Variants in ABCD4 observed in about 807,000 individuals in gnomAD.
ABCD4 encodes the protein ATP binding cassette subfamily D member 4.
ABCD4 carries 53 observed loss-of-function variants against 86.3 expected under a neutral mutation model. That is an observed-to-expected ratio of 0.61 (90% CI 0.49 to 0.77). ABCD4 has a LOEUF of 0.77. ABCD4 is among the 30% of genes least tolerant of loss of function. ABCD4 has a pLI of 0.00. For missense variants in ABCD4, 757 were observed against 764.5 expected, an observed-to-expected ratio of 0.99 and a Z score of 0.12; for synonymous variants, 328 against 313.6, an observed-to-expected ratio of 1.05 and a Z score of -0.49.
At chr14:74,300,291 G>A (rs771159587) in intron 1 of ABCD4, 23 bp from the exon 2 acceptor site, 1 of 1,498,964 alleles carries the variant, frequency 6.7e-7, no homozygotes, top group Non-Finnish European at 9.3e-7. Context: ...TGGGGAGGCA[G>A]AGAAAAGCCC....
chr14:74,300,453 G>A (rs528043383), intron 1 of ABCD4, among the ~76,000 whole-genome samples, 185 bp from the exon 2 acceptor site: 3 of 152,054 alleles, frequency 2.0e-5, no homozygotes, highest in East Asian at 1.9e-4. Context: ...TTGGCCAAGC[G>A]TGGTGGCTCA....
intron 1 of ABCD4, among the ~76,000 whole-genome samples, chr14:74,300,761 A>G (rs1179051157): frequency 6.6e-6 from 1 of 152,224 alleles, no homozygotes; most frequent in East Asian, 1.9e-4. Context: ...ATTTAACTTC[A>G]TTAGAGTTAA....
chr14:74,290,273 G>C lies in ABCD4; in HGVS notation c.1327+18C>G. 1 of 1,614,092 alleles carries C rather than the reference G, an allele frequency of 6.2e-7. No homozygotes were observed. Among genetic ancestry groups the C allele is most frequent in the Admixed American group, 1.7e-5 (1 of 60,028 alleles). Reference sequence around the variant, plus strand: ...AGGGCCCAGGCTGGGTCAGAGGCAGGGAGGGCCTGGCTCTCACCCCGTGTA... The same window carrying C: ...AGGGCCCAGGCTGGGTCAGAGGCAGCGAGGGCCTGGCTCTCACCCCGTGTA... On this transcript the variant is annotated intron_variant, in intron 12 of 18. Coordinates refer to ENST00000356924, the MANE Select transcript of ABCD4 (RefSeq NM_005050.4).
rs1232505453 is a variant in ABCD4 at position 74,292,840 on chromosome 14, T to C, written c.844A>G (p.Ser282Gly). ...IGINTFDYLG[S>G]ILSYVVIAIP... ...GCGATGACAACGTAACTCAGGATGCTGCCCAGATAGTCAAAGGTGTTGATG... is the reference window on the plus strand; with the variant it reads ...GCGATGACAACGTAACTCAGGATGCCGCCCAGATAGTCAAAGGTGTTGATG... Residue 282 changes from serine to glycine, a missense_variant, in exon 9 of 19, where the codon AGC becomes GGC. Ser to Gly is a moderately conservative substitution (Grantham distance 56). Coordinates refer to ENST00000356924, the MANE Select transcript of ABCD4 (RefSeq NM_005050.4). 3.7e-6 allele frequency: 6 copies of C among 1,614,046 alleles called. No homozygotes were observed. The highest frequency in any genetic ancestry group is 5.1e-6 in the Non-Finnish European group (6 of 1,180,040).
At chr14:74,288,955 T>C in intron 14 of ABCD4, 190 bp from the exon 15 acceptor site, 2 of 908,604 alleles carry the variant, frequency 2.2e-6, no homozygotes, top group South Asian at 1.9e-5. Context: ...CTACTAAATA[T>C]ACAAAAATTA....
At chr14:74,286,555 G>A in intron 18 of ABCD4, 26 bp from the exon 19 acceptor site, 1 of 1,614,204 alleles carries the variant, frequency 6.2e-7, no homozygotes, top group Non-Finnish European at 8.5e-7. Flanking sequence ...ACCACATGGA[G>A]ATCAGGCTGC....
In ABCD4 at chr14:74,297,948, C is replaced by T. The variant is rs775655143; in HGVS notation, c.407G>A (p.Arg136Gln). ...GRAYYTLNVLRDDIDNPDQRI... is the reference protein window; with the variant it reads ...GRAYYTLNVLQDDIDNPDQRI... Reference sequence around the variant, plus strand: ...CGCCTACGGGTTATCGATGTCATCCCGCAGCACGTTGAGGGTGTAGTACGC... The same window carrying T: ...CGCCTACGGGTTATCGATGTCATCCTGCAGCACGTTGAGGGTGTAGTACGC... The change falls in exon 4 of 19, where the codon CGG (arginine) becomes CAG (glutamine). Residue 136 changes from arginine (R) to glutamine (Q), a missense_variant. By Grantham distance (43) the Arg-to-Gln change is conservative (BLOSUM62 1). Transcript: ENST00000356924. 7.6e-5 allele frequency: 123 copies of T among 1,613,344 alleles called. No homozygotes were observed. Among genetic ancestry groups the T allele is most frequent in the Middle Eastern group, 1.6e-4 (1 of 6,078 alleles).
intron 6 of ABCD4, 151 bp from the exon 7 acceptor site, chr14:74,295,349 G>A: frequency 1.2e-6 from 1 of 856,478 alleles, no homozygotes; most frequent in Non-Finnish European, 1.8e-6. Flanking sequence ...GGACTGTTAT[G>A]GGGTAGAAAA....
intron 1 of ABCD4, among the ~76,000 whole-genome samples, chr14:74,301,923 A>T (rs1321828965): frequency 6.6e-6 from 1 of 152,024 alleles, no homozygotes; most frequent in Non-Finnish European, 1.5e-5. Flanking sequence ...AAAGAAAGAA[A>T]GAAAATGTAC....
chr14:74,288,090 G>T, intron 16 of ABCD4, 117 bp downstream of exon 16: 2 of 1,260,756 alleles, frequency 1.6e-6, no homozygotes, highest in Non-Finnish European at 2.2e-6. Context: ...GCACCCGACT[G>T]ACCAGCCAAA....
rs561447255 is a variant in ABCD4 at position 74,300,874 on chromosome 14, G to A, written c.39-606C>T. Among the ~76,000 whole-genome samples, 8 of 152,184 alleles carry A rather than the reference G, an allele frequency of 5.3e-5. No homozygotes were observed. The South Asian group carries it at 1.7e-3, about 32-fold the overall frequency. Reference sequence around the variant, plus strand: ...GGACTTGAAATCTTTATTTTTTTGAGACGGAGTTTTGCTCGTTGCCCAGGC... The same window carrying A: ...GGACTTGAAATCTTTATTTTTTTGAAACGGAGTTTTGCTCGTTGCCCAGGC... On this transcript the variant is annotated intron_variant, in intron 1 of 18. Coordinates refer to ENST00000356924, the MANE Select transcript of ABCD4 (RefSeq NM_005050.4).
At position 74,299,641 on chromosome 14, in the gene ABCD4, G is replaced by A; in HGVS notation, c.192C>T (p.Pro64=). 1 of 1,613,700 alleles carries A rather than the reference G, an allele frequency of 6.2e-7. No individual in the cohort carries two copies. The highest frequency in any genetic ancestry group is 2.2e-5 in the East Asian group (1 of 44,860). The part of the protein sequence containing the change: ...QFVIYQVGLI[P]SQYYGVLGNK... ...TTCCCAGGACCCCATAGTACTGACT[G>A]GGGATCAAGCCAACCTGGTAGATCA... The change falls in exon 3 of 19, where the codon CCC becomes CCT. Residue 64 remains proline (P), a synonymous_variant. Transcript: ENST00000356924.
At chr14:74,300,894 C>T (rs1050566164) in intron 1 of ABCD4, among the ~76,000 whole-genome samples, 6 of 152,016 alleles carry the variant, frequency 3.9e-5, no homozygotes, top group Non-Finnish European at 7.4e-5. Flanking sequence ...TGCTCGTTGC[C>T]CAGGCTGGAA....
intron 18 of ABCD4, 56 bp downstream of exon 18, chr14:74,286,645 A>G: frequency 1.2e-6 from 2 of 1,612,998 alleles, no homozygotes; most frequent in African/African-American, 2.7e-5. Context: ...GGCCCTGGCC[A>G]GGCTGAGCCT....
rs1419514635 is a variant in ABCD4 at position 74,286,280 on chromosome 14, C to T, written c.*181G>A. The T allele has an allele frequency of 3.2e-6, 2 of 621,532 alleles. No homozygotes were observed. The highest frequency in any genetic ancestry group is 3.7e-5 in the African/African-American group (2 of 54,304). The allele number at this position is 621,532 out of a possible 1,614,324, so 38.5% of individuals were successfully genotyped here. ...TGAACACTGGGAGATTCAGTGTCCC[C>T]CACAGAAACCTAGACCTGGGCTCAG... On this transcript the variant is annotated 3_prime_UTR_variant, in exon 19 of 19. Coordinates refer to ENST00000356924, the MANE Select transcript of ABCD4 (RefSeq NM_005050.4).
chr14:74,298,496 C>T (rs1031527182), intron 3 of ABCD4, among the ~76,000 whole-genome samples: 3 of 152,162 alleles, frequency 2.0e-5, no homozygotes. Flanking sequence ...GTCTGGAACT[C>T]CCGACCTCAG....
At position 74,296,201 on chromosome 14, in the gene ABCD4, C is replaced by G. The variant is rs116920750; in HGVS notation, c.542+132G>C. ...CAAAGGAAGGGCAGGGGCCTGAGCACGTGGGATGGGTGAGCACGTGGTAAG... is the reference window on the plus strand; with the variant it reads ...CAAAGGAAGGGCAGGGGCCTGAGCAGGTGGGATGGGTGAGCACGTGGTAAG... On this transcript the variant is annotated intron_variant, in intron 5 of 18. Coordinates refer to ENST00000356924, the MANE Select transcript of ABCD4 (RefSeq NM_005050.4). 3.5e-3 allele frequency: 3,924 copies of G among 1,124,616 alleles called. 97 individuals carry two copies. The Admixed American group carries it at 0.05, about 14-fold the overall frequency. The allele number at this position is 1,124,616 out of a possible 1,614,324, so 69.7% of individuals were successfully genotyped here.
In ABCD4 at chr14:74,288,535, G is replaced by A; in HGVS notation, c.1506+181C>T. ...CTTGTTTTAAAATTCTCCAATGAGA[G>A]CACTACCCCCTTCGTGCCTAAACCT... On this transcript the variant is annotated intron_variant, in intron 15 of 18. Transcript: ENST00000356924. The A allele has an allele frequency of 7.1e-6, 5 of 709,064 alleles. No individual in the cohort carries two copies. The South Asian group carries it at 9.1e-5, about 13-fold the overall frequency. 43.9% of individuals were successfully genotyped at this position (709,064 alleles called of 1,614,324 possible).
intron 8 of ABCD4, 40 bp downstream of exon 8, chr14:74,293,114 C>T (rs1238860266): frequency 6.3e-7 from 1 of 1,596,344 alleles, no homozygotes; most frequent in South Asian, 1.1e-5. Context: ...CAGACCAGTC[C>T]AACCCCATGG....
Sources: gnomAD v4.1 joint callset for allele counts (sites outside exome capture counted in the v4.1 genomes callset) on GRCh38, gnomAD v4.1.1 for gene constraint, MANE v1.5 for transcripts, NCBI Gene and HGNC (gene_info 2026-07-23, HGNC 2026-07-21) for gene names.